Variants in C8orf48 observed in about 807,000 individuals in gnomAD.
C8orf48 encodes chromosome 8 open reading frame 48.
For synonymous variants in C8orf48, 188 were observed against 138.2 expected, an observed-to-expected ratio of 1.36 and a Z score of -2.53; for missense variants, 580 against 363.3, an observed-to-expected ratio of 1.60 and a Z score of -4.85.
In C8orf48 at chr8:13,567,538, A is replaced by G; in HGVS notation, c.547A>G (p.Thr183Ala). Residue 183 changes from threonine (T) to alanine (A), a missense_variant, in exon 1 of 1, where the codon ACA becomes GCA. Physicochemically the swap from Thr to Ala is moderately conservative, Grantham distance 58. Transcript: ENST00000297324. ...CAGAATCTACTTTAAAAACATGAGG[A>G]CAACGCCAAAACAGGAGGCAGCAGC... The part of the protein sequence containing the change: ...LNRIYFKNMR[T>A]TPKQEAAAKQ... The G allele has an allele frequency of 6.4e-7, 1 of 1,551,772 alleles. No individual in the cohort carries two copies. The highest frequency in any genetic ancestry group is 8.7e-7 in the Non-Finnish European group (1 of 1,147,040).
In C8orf48 at chr8:13,568,071, C is replaced by G. The variant is rs981845779; in HGVS notation, c.*120C>G. 2 of 1,127,512 alleles carry G rather than the reference C, an allele frequency of 1.8e-6. No homozygotes were observed. The highest frequency in any genetic ancestry group is 1.8e-5 in the South Asian group (1 of 55,416). 69.8% of individuals were successfully genotyped at this position (1,127,512 alleles called of 1,614,324 possible). ...CAGATTTGAGGACTAAGAACTTTCA[C>G]TTTTTTTTTCCTATTATAGAAGGCA... is the stretch of plus-strand genomic sequence containing the variant. On this transcript the variant is annotated 3_prime_UTR_variant, in exon 1 of 1. Transcript: ENST00000297324.
chr8:13,567,420 G>A lies in C8orf48; in HGVS notation c.429G>A (p.Thr143=), dbSNP rs773688770. 5 of 1,551,690 alleles carry A rather than the reference G, an allele frequency of 3.2e-6. No individual in the cohort carries two copies. The highest frequency in any genetic ancestry group is 2.7e-5 in the African/African-American group (2 of 73,032). The change falls in exon 1 of 1, where the codon ACG becomes ACA. Residue 143 remains threonine (T), a synonymous_variant. Coordinates refer to ENST00000297324, the MANE Select transcript of C8orf48 (RefSeq NM_001007090.3). ...IHRRGDSKKK[T]SSRHKKLHLG... ...GTAGAGGGGATTCTAAGAAGAAGACGAGCAGCAGACATAAAAAGCTGCATC... is the reference window on the plus strand; with the variant it reads ...GTAGAGGGGATTCTAAGAAGAAGACAAGCAGCAGACATAAAAAGCTGCATC...
In C8orf48 at chr8:13,567,509, T is replaced by C. The variant is rs1185149820; in HGVS notation, c.518T>C (p.Leu173Ser). The C allele has an allele frequency of 6.4e-7, 1 of 1,552,056 alleles. No individual in the cohort carries two copies. The change falls in exon 1 of 1, where the codon TTG (leucine) becomes TCG (serine). Residue 173 changes from leucine to serine, a missense_variant. Physicochemically the swap from Leu to Ser is moderately radical, Grantham distance 145. Transcript: ENST00000297324. ...AGTTGTACTGTACCCGATGAACTTT[T>C]GAACAGAATCTACTTTAAAAACATG... is the stretch of plus-strand genomic sequence containing the variant. ...AFSCTVPDEL[L>S]NRIYFKNMRT...
chr8:13,567,462 G>T lies in C8orf48; in HGVS notation c.471G>T (p.Glu157Asp), dbSNP rs1471726037. ...HKKLHLGLDV[E>D]ASERDAFSCT... ...AGCTGCATCTTGGATTGGATGTAGAGGCTTCAGAGAGAGATGCCTTTAGTT... is the reference window on the plus strand; with the variant it reads ...AGCTGCATCTTGGATTGGATGTAGATGCTTCAGAGAGAGATGCCTTTAGTT... Residue 157 changes from glutamate to aspartate, a missense_variant, in exon 1 of 1, where the codon GAG (glutamate) becomes GAT (aspartate). By Grantham distance (45) the Glu-to-Asp change is conservative. Coordinates refer to ENST00000297324, the MANE Select transcript of C8orf48 (RefSeq NM_001007090.3). 1 of 1,552,078 alleles carries T rather than the reference G, an allele frequency of 6.4e-7. No homozygotes were observed. Among genetic ancestry groups the T allele is most frequent in the Non-Finnish European group, 8.7e-7 (1 of 1,147,084 alleles).
Position 13,568,016 on chromosome 8 carries a change from C to CT in C8orf48, c.*66dup. ...ATAATTTCTACAGGCACTTGGGAAA[C>CT]TAACTTAAGACTTTACTATGCTTCC... On this transcript the variant is annotated 3_prime_UTR_variant, in exon 1 of 1. Transcript: ENST00000297324. 2 of 1,442,264 alleles carry CT rather than the reference C, an allele frequency of 1.4e-6. No individual in the cohort carries two copies. Among genetic ancestry groups the CT allele is most frequent in the South Asian group, 1.5e-5 (1 of 66,974 alleles). 89.3% of individuals were successfully genotyped at this position (1,442,264 alleles called of 1,614,324 possible).
chr8:13,567,656 T>C lies in C8orf48; in HGVS notation c.665T>C (p.Leu222Pro). ...TTTCTGAAACAAAAGAAGACTTTACTGGAGTCATTTCTACTCCAAGAGAGA... is the reference window on the plus strand; with the variant it reads ...TTTCTGAAACAAAAGAAGACTTTACCGGAGTCATTTCTACTCCAAGAGAGA... ...SAFLKQKKTL[L>P]ESFLLQERID... is the part of the protein sequence containing the mutation. The change falls in exon 1 of 1, where the codon CTG becomes CCG. Residue 222 changes from leucine to proline, a missense_variant. Physicochemically the swap from Leu to Pro is moderately conservative, Grantham distance 98 (BLOSUM62 -3). Coordinates refer to ENST00000297324, the MANE Select transcript of C8orf48 (RefSeq NM_001007090.3). 1 of 1,551,820 alleles carries C rather than the reference T, an allele frequency of 6.4e-7. No homozygotes were observed.
Position 13,567,853 on chromosome 8 carries a change from G to T in C8orf48, c.862G>T (p.Asp288Tyr). 6.4e-7 allele frequency: 1 copy of T among 1,551,864 alleles called. No individual in the cohort carries two copies. The highest frequency in any genetic ancestry group is 8.7e-7 in the Non-Finnish European group (1 of 1,147,014). The part of the protein sequence containing the change: ...RSETEQKLQR[D>Y]GNSACHLPFS... ...AGAGACAGAGCAGAAGTTGCAGCGA[G>T]ATGGAAATAGTGCTTGTCATTTACC... The change falls in exon 1 of 1, where the codon GAT becomes TAT. Residue 288 changes from aspartate to tyrosine, a missense_variant. Coordinates refer to ENST00000297324, the MANE Select transcript of C8orf48 (RefSeq NM_001007090.3).
chr8:13,567,298 C>T lies in C8orf48; in HGVS notation c.307C>T (p.Pro103Ser). ...AGACTCTAACTTTGAACGGCACCAA[C>T]CAGACACCAAACTTCCAACAGAAAT... ...LKDSNFERHQ[P>S]DTKLPTEITR... is the part of the protein sequence containing the mutation. The change falls in exon 1 of 1, where the codon CCA becomes TCA. Residue 103 changes from proline (P) to serine (S), a missense_variant. Coordinates refer to ENST00000297324, the MANE Select transcript of C8orf48 (RefSeq NM_001007090.3). 1.9e-6 allele frequency: 3 copies of T among 1,551,730 alleles called. No individual in the cohort carries two copies. The highest frequency in any genetic ancestry group is 2.6e-6 in the Non-Finnish European group (3 of 1,147,018).
Position 13,568,169 on chromosome 8 carries a change from A to T in C8orf48, c.*218A>T, listed in dbSNP as rs1396840875. On this transcript the variant is annotated 3_prime_UTR_variant, in exon 1 of 1. Transcript: ENST00000297324. ...AACTATGTTGGTAGTTTGGGCCAGG[A>T]TGTTGATGGTACAGAAGCAAAGTAG... The T allele has an allele frequency of 1.9e-6, 1 of 518,630 alleles. No individual in the cohort carries two copies. Among genetic ancestry groups the T allele is most frequent in the African/African-American group, 2.0e-5 (1 of 51,164 alleles). The allele number at this position is 518,630 out of a possible 1,614,324, so 32.1% of individuals were successfully genotyped here.
In C8orf48 at chr8:13,567,384, T is replaced by C; in HGVS notation, c.393T>C (p.Asn131=). The part of the protein sequence containing the change: ...ALQSYCTMKI[N]LIHRRGDSKK... Reference sequence around the variant, plus strand: ...AGTCTTATTGCACCATGAAGATAAATTTGATTCATCGTAGAGGGGATTCTA... The same window carrying C: ...AGTCTTATTGCACCATGAAGATAAACTTGATTCATCGTAGAGGGGATTCTA... The change falls in exon 1 of 1, where the codon AAT becomes AAC. Residue 131 remains asparagine (N), a synonymous_variant. Coordinates refer to ENST00000297324, the MANE Select transcript of C8orf48 (RefSeq NM_001007090.3). The C allele has an allele frequency of 6.4e-7, 1 of 1,551,584 alleles. No homozygotes were observed.
rs555090630 is a variant in C8orf48, at chr8:13,567,227, A to T, written c.236A>T (p.Tyr79Phe). 125 of 1,551,520 alleles carry T rather than the reference A, an allele frequency of 8.1e-5. No individual in the cohort carries two copies. Among genetic ancestry groups the T allele is most frequent in the Non-Finnish European group, 1.0e-4 (120 of 1,147,014 alleles). The stretch of plus-strand genomic sequence containing the variant: ...TCTGAGCTTTTGGACTATAAAAATT[A>T]TGAAAAGAAGTTGAGTAAAAAATGG... ...TQSELLDYKN[Y>F]EKKLSKKWIN... is the part of the protein sequence containing the mutation. The change falls in exon 1 of 1, where the codon TAT becomes TTT. Residue 79 changes from tyrosine (Y) to phenylalanine (F), a missense_variant. By Grantham distance (22) the Tyr-to-Phe change is conservative (BLOSUM62 3). Transcript: ENST00000297324.
In C8orf48 at chr8:13,567,783, A is replaced by G; in HGVS notation, c.792A>G (p.Arg264=). Residue 264 remains arginine, a synonymous_variant, in exon 1 of 1, where the codon AGA becomes AGG. Coordinates refer to ENST00000297324, the MANE Select transcript of C8orf48 (RefSeq NM_001007090.3). ...ATGACCCCAGAATAATCTGGAAAAG[A>G]CTGACTGAGAAAAGTCATATCAGAT... is the stretch of plus-strand genomic sequence containing the variant. ...LSDDPRIIWK[R]LTEKSHIRYS... 6.4e-7 allele frequency: 1 copy of G among 1,551,904 alleles called. No individual in the cohort carries two copies.
Position 13,567,811 on chromosome 8 carries a change from T to G in C8orf48, c.820T>G (p.Ser274Ala), listed in dbSNP as rs1168570899. The G allele has an allele frequency of 6.4e-7, 1 of 1,551,838 alleles. No individual in the cohort carries two copies. The highest frequency in any genetic ancestry group is 8.7e-7 in the Non-Finnish European group (1 of 1,147,016). Reference protein sequence around the residue: ...RLTEKSHIRYSGFERSETEQK... With the variant: ...RLTEKSHIRYAGFERSETEQK... ...GACTGAGAAAAGTCATATCAGATACTCTGGTTTTGAAAGATCAGAGACAGA... is the reference window on the plus strand; with the variant it reads ...GACTGAGAAAAGTCATATCAGATACGCTGGTTTTGAAAGATCAGAGACAGA... Residue 274 changes from serine to alanine, a missense_variant, in exon 1 of 1, where the codon TCT becomes GCT. Coordinates refer to ENST00000297324, the MANE Select transcript of C8orf48 (RefSeq NM_001007090.3).
rs1434957582 is a variant in C8orf48, at chr8:13,567,023, A to T, written c.32A>T (p.Asp11Val). ...ATCTGCCCAGAATTGGCCCAAACGG[A>T]CAAAAGTGCTCTTGCAAACCTTTCT... MAICPELAQTDKSALANLSDE... is the reference protein window; with the variant it reads MAICPELAQTVKSALANLSDE... Residue 11 changes from aspartate to valine, a missense_variant, in exon 1 of 1, where the codon GAC becomes GTC. Coordinates refer to ENST00000297324, the MANE Select transcript of C8orf48 (RefSeq NM_001007090.3). The T allele has an allele frequency of 1.2e-5, 19 of 1,551,136 alleles. No homozygotes were observed. Among genetic ancestry groups the T allele is most frequent in the Non-Finnish European group, 1.6e-5 (18 of 1,146,636 alleles).
chr8:13,567,421 A>T lies in C8orf48; in HGVS notation c.430A>T (p.Ser144Cys), dbSNP rs556488896. The T allele has an allele frequency of 1.9e-6, 3 of 1,551,884 alleles. No homozygotes were observed. Among genetic ancestry groups the T allele is most frequent in the East Asian group, 2.4e-5 (1 of 40,918 alleles). ...HRRGDSKKKTSSRHKKLHLGL... is the reference protein window; with the variant it reads ...HRRGDSKKKTCSRHKKLHLGL... ...TAGAGGGGATTCTAAGAAGAAGACGAGCAGCAGACATAAAAAGCTGCATCT... is the reference window on the plus strand; with the variant it reads ...TAGAGGGGATTCTAAGAAGAAGACGTGCAGCAGACATAAAAAGCTGCATCT... The change falls in exon 1 of 1, where the codon AGC becomes TGC. Residue 144 changes from serine to cysteine, a missense_variant. Ser to Cys is a moderately radical substitution (Grantham distance 112). Coordinates refer to ENST00000297324, the MANE Select transcript of C8orf48 (RefSeq NM_001007090.3).
In C8orf48 at chr8:13,567,510, G is replaced by T; in HGVS notation, c.519G>T (p.Leu173Phe). 32 of 1,552,002 alleles carry T rather than the reference G, an allele frequency of 2.1e-5. No homozygotes were observed. The highest frequency in any genetic ancestry group is 2.7e-5 in the Non-Finnish European group (31 of 1,147,060). ...AFSCTVPDEL[L>F]NRIYFKNMRT... ...GTTGTACTGTACCCGATGAACTTTT[G>T]AACAGAATCTACTTTAAAAACATGA... Residue 173 changes from leucine (L) to phenylalanine (F), a missense_variant, in exon 1 of 1, where the codon TTG (leucine) becomes TTT (phenylalanine). Physicochemically the swap from Leu to Phe is conservative, Grantham distance 22. Transcript: ENST00000297324.
rs964306475 is a variant in C8orf48, at chr8:13,566,974, C to A, written c.-18C>A. On this transcript the variant is annotated 5_prime_UTR_variant, in exon 1 of 1. Coordinates refer to ENST00000297324, the MANE Select transcript of C8orf48 (RefSeq NM_001007090.3). ...AACCTGGGCAAAGGAGATGAGGAGC[C>A]GAGCCTGATGCATTGTGATGGCCAT... 6.5e-7 allele frequency: 1 copy of A among 1,528,396 alleles called. No homozygotes were observed. Among genetic ancestry groups the A allele is most frequent in the Non-Finnish European group, 8.8e-7 (1 of 1,134,660 alleles). The allele number at this position is 1,528,396 out of a possible 1,614,324, so 94.7% of individuals were successfully genotyped here. A position where few individuals can be genotyped will look rare whatever the true frequency, so the allele number is the denominator to read the frequency against.
In C8orf48 at chr8:13,566,970, G is replaced by A; in HGVS notation, c.-22G>A. 6.6e-7 allele frequency: 1 copy of A among 1,524,002 alleles called. No homozygotes were observed. The highest frequency in any genetic ancestry group is 2.1e-5 in the Admixed American group (1 of 47,840). The allele number at this position is 1,524,002 out of a possible 1,614,324, so 94.4% of individuals were successfully genotyped here. A position where few individuals can be genotyped will look rare whatever the true frequency, so the allele number is the denominator to read the frequency against. ...TCTTAACCTGGGCAAAGGAGATGAG[G>A]AGCCGAGCCTGATGCATTGTGATGG... On this transcript the variant is annotated 5_prime_UTR_variant, in exon 1 of 1. Coordinates refer to ENST00000297324, the MANE Select transcript of C8orf48 (RefSeq NM_001007090.3).
Position 13,568,139 on chromosome 8 carries a change from A to G in C8orf48, c.*188A>G. ...GTTATAAAAACTTTTACAAAATTCC[A>G]AGAGAACTATGTTGGTAGTTTGGGC... On this transcript the variant is annotated 3_prime_UTR_variant, in exon 1 of 1. Transcript: ENST00000297324. The G allele has an allele frequency of 1.5e-6, 1 of 649,184 alleles. No individual in the cohort carries two copies. Among genetic ancestry groups the G allele is most frequent in the Non-Finnish European group, 2.5e-6 (1 of 398,518 alleles). 40.2% of individuals were successfully genotyped at this position (649,184 alleles called of 1,614,324 possible). A position where few individuals can be genotyped will look rare whatever the true frequency, so the allele number is the denominator to read the frequency against.
Sources: gnomAD v4.1 joint callset for allele counts on GRCh38, gnomAD v4.1.1 for gene constraint, MANE v1.5 for transcripts, NCBI Gene and HGNC (gene_info 2026-07-23, HGNC 2026-07-21) for gene names.